TMEM108: variants seen among roughly 807,000 people sequenced by gnomAD.
TMEM108 encodes the protein transmembrane protein 108.
TMEM108 carries 12 observed loss-of-function variants against 35.1 expected under a neutral mutation model. The ratio of observed to expected loss-of-function variants is 0.34; its 90% CI spans 0.22 to 0.55. The LOEUF (loss-of-function observed/expected upper bound fraction) is 0.55. Ranked by LOEUF, TMEM108 falls within the 20% of genes least tolerant of loss-of-function variation. The pLI is 0.89. For synonymous variants in TMEM108, 287 were observed against 308.6 expected, an observed-to-expected ratio of 0.93 and a Z score of 0.73; for missense variants, 680 against 753.3, an observed-to-expected ratio of 0.90 and a Z score of 1.14.
chr3:133,181,488 C>T (rs1012327704), intron 2 of TMEM108, among the ~76,000 whole-genome samples: 1 of 152,102 alleles, frequency 6.6e-6, no homozygotes, highest in Non-Finnish European at 1.5e-5. Flanking sequence ...AGGACAAAAT[C>T]TGCATGGTTT....
intron 2 of TMEM108, among the ~76,000 whole-genome samples, chr3:133,178,020 C>G (rs190357412): frequency 3.9e-5 from 6 of 152,254 alleles, no homozygotes; most frequent in Admixed American, 3.9e-4. Flanking sequence ...ACATCAATAA[C>G]AGACAAACAG....
At chr3:133,282,947 T>A (rs970724874) in intron 3 of TMEM108, among the ~76,000 whole-genome samples, 4 of 152,220 alleles carry the variant, frequency 2.6e-5, no homozygotes, top group African/African-American at 9.6e-5. Context: ...TGAAAACCAA[T>A]GCATGGTGTT....
chr3:133,371,312 CTCAGCTGCATGGGCTGAGTCTAAG>C (rs1559934098), intron 3 of TMEM108, among the ~76,000 whole-genome samples: 2 of 152,170 alleles, frequency 1.3e-5, no homozygotes, highest in Non-Finnish European at 2.9e-5. Context: ...TCTCCCCAGA[CTCAGCTGCATGGGCTGAGTCTAAG>C]TCAGCTTGAT....
chr3:133,356,893 T>C (rs1429313395), intron 3 of TMEM108, among the ~76,000 whole-genome samples: 1 of 152,202 alleles, frequency 6.6e-6, no homozygotes, highest in East Asian at 1.9e-4. Context: ...AAATCTCTTC[T>C]GGACATTGGC....
At chr3:133,378,126 G>T (rs774704798) in intron 3 of TMEM108, among the ~76,000 whole-genome samples, 1 of 152,218 alleles carries the variant, frequency 6.6e-6, no homozygotes, top group Non-Finnish European at 1.5e-5. Context: ...GAAAAAAATA[G>T]ATTGTTTAGG....
intron 3 of TMEM108, among the ~76,000 whole-genome samples, chr3:133,262,978 A>G (rs1274495465): frequency 2.6e-5 from 4 of 152,204 alleles, no homozygotes; most frequent in Non-Finnish European, 5.9e-5. Flanking sequence ...ACCTGTATTG[A>G]AATACTTAAA....
chr3:133,174,253 G>C (rs372799680), intron 2 of TMEM108, among the ~76,000 whole-genome samples: 1 of 152,174 alleles, frequency 6.6e-6, no homozygotes, highest in South Asian at 2.1e-4. Context: ...GTCTGGGGAC[G>C]GGGCATTGCC....
At chr3:133,072,692 A>T (rs79143898) in intron 2 of TMEM108, among the ~76,000 whole-genome samples, 2,537 of 152,220 alleles carry the variant, frequency 0.017, 84 homozygotes, top group African/African-American at 0.058. Context: ...TGCACCTTTT[A>T]AAAAATGTAC....
intron 3 of TMEM108, among the ~76,000 whole-genome samples, chr3:133,275,162 C>T (rs1946821940): frequency 6.6e-6 from 1 of 152,096 alleles, no homozygotes; most frequent in South Asian, 2.1e-4. Context: ...ACTAACTGCC[C>T]ACATGACCCC....
intron 3 of TMEM108, among the ~76,000 whole-genome samples, chr3:133,245,405 A>C (rs1220286940): frequency 1.3e-5 from 2 of 152,198 alleles, no homozygotes. Context: ...TGTTTGTCCC[A>C]GCCTGGCATG....
chr3:133,216,142 A>G (rs529168382), intron 2 of TMEM108, among the ~76,000 whole-genome samples: 4 of 152,076 alleles, frequency 2.6e-5, no homozygotes, highest in Admixed American at 6.6e-5. Flanking sequence ...GTCAATCTGC[A>G]TATCAAATAT....
At chr3:133,355,897 C>CA (rs1369427111) in intron 3 of TMEM108, among the ~76,000 whole-genome samples, 4 of 151,590 alleles carry the variant, frequency 2.6e-5, no homozygotes, top group African/African-American at 4.8e-5. Flanking sequence ...CTAACTGGCA[C>CA]AAAAAAATAG....
chr3:133,171,443 C>T (rs1945129733), intron 2 of TMEM108, among the ~76,000 whole-genome samples: 2 of 152,174 alleles, frequency 1.3e-5, no homozygotes, highest in African/African-American at 4.8e-5. Flanking sequence ...GTGGTGCAAT[C>T]ATAGCTCACT....
At chr3:133,196,669 A>AT (rs1372235558) in intron 2 of TMEM108, among the ~76,000 whole-genome samples, 1 of 152,230 alleles carries the variant, frequency 6.6e-6, no homozygotes, top group East Asian at 1.9e-4. Context: ...CACAATAGAC[A>AT]TTTATCCATC....
At chr3:133,186,348 C>T (rs1945421100) in intron 2 of TMEM108, among the ~76,000 whole-genome samples, 1 of 152,150 alleles carries the variant, frequency 6.6e-6, no homozygotes, top group Non-Finnish European at 1.5e-5. Context: ...GCTTAACTTC[C>T]CAGAAACCAT....
At chr3:133,204,494 C>A (rs1191098655) in intron 2 of TMEM108, among the ~76,000 whole-genome samples, 1 of 152,060 alleles carries the variant, frequency 6.6e-6, no homozygotes, top group Non-Finnish European at 1.5e-5. Context: ...GATTCGGGTA[C>A]ATTGTGTCTT....
At chr3:133,287,239 A>C (rs1461213123) in intron 3 of TMEM108, among the ~76,000 whole-genome samples, 1 of 152,202 alleles carries the variant, frequency 6.6e-6, no homozygotes, top group Non-Finnish European at 1.5e-5. Context: ...ATATGGATTA[A>C]AATTCTTCCC....
intron 2 of TMEM108, among the ~76,000 whole-genome samples, chr3:133,194,234 T>G (rs1484228398): frequency 6.6e-6 from 1 of 152,144 alleles, no homozygotes; most frequent in African/African-American, 2.4e-5. Flanking sequence ...CATGCCCAGC[T>G]GAACATTAAT....
intron 2 of TMEM108, among the ~76,000 whole-genome samples, chr3:133,106,035 G>A (rs911591886): frequency 1.3e-5 from 2 of 151,980 alleles, no homozygotes; most frequent in African/African-American, 2.4e-5. Flanking sequence ...CTGCCCTCAC[G>A]GAATTTATAA....
Sources: allele counts gnomAD v4.1 joint callset (sites outside exome capture counted in the v4.1 genomes callset), GRCh38; gene constraint gnomAD v4.1.1; transcripts MANE v1.5; gene names NCBI Gene and HGNC (gene_info 2026-07-23, HGNC 2026-07-21).